Variants in MARCHF4 observed in about 807,000 individuals in gnomAD.
The protein encoded by MARCHF4 is membrane associated ring-CH-type finger 4, also known as E3 ubiquitin-protein ligase MARCHF4.
In MARCHF4, 14 loss-of-function variants were observed where a neutral mutation model predicts 43.9. The ratio of observed to expected loss-of-function variants is 0.32; its 90% CI spans 0.21 to 0.50. The LOEUF is 0.50. Ranked by LOEUF, MARCHF4 falls within the 20% of genes least tolerant of loss-of-function variation. MARCHF4 has a pLI of 0.98. For missense variants in MARCHF4, 468 were observed against 536.7 expected, an observed-to-expected ratio of 0.87 and a Z score of 1.27; for synonymous variants, 226 against 213.3, an observed-to-expected ratio of 1.06 and a Z score of -0.52.
Position 216,372,385 on chromosome 2 carries a change from T to C in MARCHF4, c.-2125A>G, listed in dbSNP as rs1692784311. Among the ~76,000 whole-genome samples, 1 of 147,380 alleles carries C rather than the reference T, an allele frequency of 6.8e-6. No homozygotes were observed. Among genetic ancestry groups the C allele is most frequent in the Non-Finnish European group, 1.5e-5 (1 of 66,808 alleles). The stretch of plus-strand genomic sequence containing the variant: ...ACCCAGACCCCGCGCGTCACGCTCG[T>C]GGGGGCCTGACGCAGACGCCGCGGA... On this transcript the variant is annotated 5_prime_UTR_variant, in exon 1 of 4. Transcript: ENST00000273067.
chr2:216,313,062 TGA>T (rs546316768), intron 1 of MARCHF4, among the ~76,000 whole-genome samples: 8 of 152,266 alleles, frequency 5.3e-5, no homozygotes, highest in Admixed American at 5.2e-4. Context: ...TTGTGTATGG[TGA>T]GAGAGAGGGG....
chr2:216,260,930 G>C lies in MARCHF4; in HGVS notation c.866-1251C>G, dbSNP rs571452526. Among the ~76,000 whole-genome samples the C allele has an allele frequency of 2.0e-5, 3 of 152,336 alleles. No individual in the cohort carries two copies. In the South Asian group the frequency reaches 6.2e-4, roughly 32 times the overall value. ...AGCAGTGAGAAACTGCTGGAGTCAG[G>C]CTGTGTGCTGGAAGTAGAGCTGAAG... is the stretch of plus-strand genomic sequence containing the variant. On this transcript the variant is annotated intron_variant, in intron 3 of 3. Coordinates refer to ENST00000273067, the MANE Select transcript of MARCHF4 (RefSeq NM_020814.3).
At chr2:216,352,173 C>T (rs567388785) in intron 1 of MARCHF4, among the ~76,000 whole-genome samples, 1 of 152,308 alleles carries the variant, frequency 6.6e-6, no homozygotes, top group African/African-American at 2.4e-5. Flanking sequence ...TCTGTACTCC[C>T]CTTTGTCCAC....
chr2:216,328,131 C>T (rs1692025678), intron 1 of MARCHF4, among the ~76,000 whole-genome samples: 1 of 152,112 alleles, frequency 6.6e-6, no homozygotes. Flanking sequence ...ACCTGCAAGA[C>T]AGGAAAGGCA....
At chr2:216,349,554 A>C (rs1692366582) in intron 1 of MARCHF4, among the ~76,000 whole-genome samples, 1 of 152,158 alleles carries the variant, frequency 6.6e-6, no homozygotes, top group Non-Finnish European at 1.5e-5. Context: ...ACAGCTGGGG[A>C]TGATGTGAAG....
intron 1 of MARCHF4, among the ~76,000 whole-genome samples, chr2:216,324,179 A>G (rs562556917): frequency 7.1e-4 from 105 of 148,602 alleles, no homozygotes; most frequent in African/African-American, 2.5e-3. Flanking sequence ...AGAGAATACT[A>G]CAAACACCTC....
At chr2:216,343,471 C>T (rs1161054368) in intron 1 of MARCHF4, among the ~76,000 whole-genome samples, 1 of 152,124 alleles carries the variant, frequency 6.6e-6, no homozygotes, top group African/African-American at 2.4e-5. Flanking sequence ...CTCCTAAAGT[C>T]CCCACCCTTC....
chr2:216,323,393 A>G (rs1356773364), intron 1 of MARCHF4, among the ~76,000 whole-genome samples: 1 of 152,202 alleles, frequency 6.6e-6, no homozygotes, highest in Non-Finnish European at 1.5e-5. Flanking sequence ...TGTCAACATT[A>G]GACAGATCAA....
chr2:216,304,635 C>A (rs1437951428), intron 1 of MARCHF4, among the ~76,000 whole-genome samples: 1 of 152,038 alleles, frequency 6.6e-6, no homozygotes, highest in African/African-American at 2.4e-5. Context: ...GTTTTTATTC[C>A]ATTTTTGTTT....
Position 216,302,897 on chromosome 2 carries a change from CAAAAAAAAA to C in MARCHF4, c.517-19177_517-19169del, listed in dbSNP as rs201503998. Among the ~76,000 whole-genome samples the C allele has an allele frequency of 4.7e-4, 37 of 78,350 alleles. No individual in the cohort carries two copies. The East Asian group carries it at 0.012, about 25-fold the overall frequency. 51.4% of individuals were successfully genotyped at this position (78,350 alleles called of 152,430 possible). Reference sequence around the variant, plus strand: ...TGGGTGACAAGGTGAGACTCTGTATCAAAAAAAAAAAAAAAAAAAAAAAAAAGAAAATGG... The same window carrying C: ...TGGGTGACAAGGTGAGACTCTGTATCAAAAAAAAAAAAAAAAAGAAAATGG... On this transcript the variant is annotated intron_variant, in intron 1 of 3. Coordinates refer to ENST00000273067, the MANE Select transcript of MARCHF4 (RefSeq NM_020814.3).
intron 1 of MARCHF4, among the ~76,000 whole-genome samples, chr2:216,313,899 GC>G: frequency 6.6e-6 from 1 of 152,192 alleles, no homozygotes; most frequent in Non-Finnish European, 1.5e-5. Context: ...ATTATGGGAA[GC>G]ACTTAGGGCT....
At chr2:216,263,493 A>AGAGAGAGAGAGAG (rs1559280497) in intron 3 of MARCHF4, among the ~76,000 whole-genome samples, 1 of 58,886 alleles carries the variant, frequency 1.7e-5, no homozygotes, top group African/African-American at 3.9e-5. Flanking sequence ...AGGAGAGAGA[A>AGAGAGAGAGAGAG]AGAGAGAGAG....
intron 1 of MARCHF4, among the ~76,000 whole-genome samples, chr2:216,320,914 C>T (rs1337392087): frequency 6.7e-6 from 1 of 148,196 alleles, no homozygotes; most frequent in Non-Finnish European, 1.5e-5. Flanking sequence ...CTCCTGACCT[C>T]GTGATACACC....
chr2:216,295,048 T>C (rs1483236721), intron 1 of MARCHF4, among the ~76,000 whole-genome samples: 1 of 152,162 alleles, frequency 6.6e-6, no homozygotes, highest in Non-Finnish European at 1.5e-5. Context: ...CCTTTGAACA[T>C]GTACTAGAGG....
At chr2:216,320,353 G>T (rs1407715679) in intron 1 of MARCHF4, among the ~76,000 whole-genome samples, 1 of 152,152 alleles carries the variant, frequency 6.6e-6, no homozygotes, top group Non-Finnish European at 1.5e-5. Context: ...CCTTACTAAA[G>T]GCCAGGTTCT....
At chr2:216,366,925 C>T (rs899511486) in intron 1 of MARCHF4, among the ~76,000 whole-genome samples, 20 of 152,074 alleles carry the variant, frequency 1.3e-4, no homozygotes, top group Non-Finnish European at 2.9e-5. Context: ...GCAGGTGCCC[C>T]GAAAAATTTG....
intron 1 of MARCHF4, among the ~76,000 whole-genome samples, chr2:216,291,074 A>G (rs190328884): frequency 9.2e-5 from 14 of 152,258 alleles, no homozygotes; most frequent in African/African-American, 3.1e-4. Context: ...GAGACAACCA[A>G]AGCAGTGAGT....
chr2:216,314,094 A>T (rs1474404004), intron 1 of MARCHF4, among the ~76,000 whole-genome samples: 2 of 152,224 alleles, frequency 1.3e-5, no homozygotes, highest in East Asian at 3.8e-4. Context: ...TAATCACAAG[A>T]TACTGTTTGG....
chr2:216,260,631 A>G lies in MARCHF4; in HGVS notation c.866-952T>C, dbSNP rs1413960377. Among the ~76,000 whole-genome samples, 12 of 152,332 alleles carry G rather than the reference A, an allele frequency of 7.9e-5. No homozygotes were observed. The East Asian group carries it at 1.5e-3, about 20-fold the overall frequency. On this transcript the variant is annotated intron_variant, in intron 3 of 3. Coordinates refer to ENST00000273067, the MANE Select transcript of MARCHF4 (RefSeq NM_020814.3). Reference sequence around the variant, plus strand: ...AAGGTCAGTGTGACCAATACAGTGCAGCAGTGAGGAAGTGGAGGGAGGTAA... The same window carrying G: ...AAGGTCAGTGTGACCAATACAGTGCGGCAGTGAGGAAGTGGAGGGAGGTAA...
Sources: gnomAD v4.1 joint callset for allele counts (sites outside exome capture counted in the v4.1 genomes callset) on GRCh38, gnomAD v4.1.1 for gene constraint, MANE v1.5 for transcripts, NCBI Gene and HGNC (gene_info 2026-07-23, HGNC 2026-07-21) for gene names.